AP3D1: variants seen among roughly 807,000 people sequenced by gnomAD.
AP3D1 encodes the protein AP-3 complex subunit delta-1.
AP3D1 carries 51 observed loss-of-function variants against 147.6 expected under a neutral mutation model. The observed-to-expected ratio is 0.35, with a 90% CI of 0.28 to 0.44. The LOEUF is 0.44. Among genes scored for constraint, AP3D1 ranks in the 20% least tolerant of loss-of-function variants. The probability of loss-of-function intolerance (pLI) is 1.00; values close to 1 mark genes in which losing one functional copy is unlikely to be tolerated. For synonymous variants in AP3D1, 760 were observed against 663.0 expected (o/e 1.15, Z -2.25); for missense variants, 1,421 against 1,624.2 (o/e 0.87, Z 2.15).
intron 1 of AP3D1, among the ~76,000 whole-genome samples, chr19:2,150,711 A>T (rs922688716): frequency 6.6e-6 from 1 of 152,098 alleles, no homozygotes; most frequent in African/African-American, 2.4e-5. Context: ...AGGAAGAAGG[A>T]GTTTCTCCAG....
chr19:2,163,814 C>A (rs1294537416), intron 1 of AP3D1, among the ~76,000 whole-genome samples: 1 of 150,632 alleles, frequency 6.6e-6, no homozygotes, highest in Non-Finnish European at 1.5e-5. Context: ...GTCCACGGGG[C>A]GGGGCGCCGA....
At chr19:2,135,737 C>T (rs1237582292) in intron 4 of AP3D1, among the ~76,000 whole-genome samples, 4 of 152,148 alleles carry the variant, frequency 2.6e-5, no homozygotes, top group Admixed American at 6.5e-5. Flanking sequence ...AAGGCAGCGG[C>T]GGATCTAAGT....
rs768888729 is a variant in AP3D1, at chr19:2,121,770, G to A, written c.1065C>T (p.Ser355=). 1.2e-6 allele frequency: 2 copies of A among 1,611,648 alleles called. No homozygotes were observed. Among genetic ancestry groups the A allele is most frequent in the Admixed American group, 1.7e-5 (1 of 59,392 alleles). The change falls in exon 12 of 32, where the codon TCC becomes TCT. Residue 355 remains serine (S), a synonymous_variant. Transcript: ENST00000643116. ...ILQCLDDKDE[S]IRLRALDLLY... ...GCAGGTCCAGGGCCCGCAGCCGGAT[G>A]GACTCGTCCTTGTCGTCCAGGCACT...
At chr19:2,160,386 G>A (rs1325791246) in intron 1 of AP3D1, among the ~76,000 whole-genome samples, 6 of 152,108 alleles carry the variant, frequency 3.9e-5, no homozygotes, top group South Asian at 2.1e-4. Context: ...AAAATCAGCC[G>A]GGAGTGGTGG....
chr19:2,142,439 C>T (rs536236292), intron 1 of AP3D1, among the ~76,000 whole-genome samples: 2 of 152,132 alleles, frequency 1.3e-5, no homozygotes, highest in African/African-American at 2.4e-5. Context: ...TGTGAGCCAC[C>T]GCACCTGGCT....
intron 1 of AP3D1, among the ~76,000 whole-genome samples, chr19:2,161,741 G>A (rs975889996): frequency 6.6e-6 from 1 of 152,000 alleles, no homozygotes; most frequent in African/African-American, 2.4e-5. Context: ...TTGAGATCAA[G>A]AGTTCGAGAC....
At chr19:2,115,765 G>A (rs1312389315) in intron 18 of AP3D1, 152 bp from the exon 19 acceptor site, 9 of 782,986 alleles carry the variant, frequency 1.1e-5, no homozygotes, top group South Asian at 9.1e-5. Flanking sequence ...CGCCGTGAGC[G>A]AGCGCATCCC....
intron 21 of AP3D1, 126 bp downstream of exon 21, chr19:2,114,622 G>GGCCC (rs2018387262): frequency 5.9e-5 from 39 of 665,674 alleles, no homozygotes; most frequent in East Asian, 8.4e-5. Context: ...TCTGGGGAAG[G>GGCCC]CCCGCCCGCA....
intron 1 of AP3D1, among the ~76,000 whole-genome samples, chr19:2,159,565 T>G: frequency 6.6e-6 from 1 of 151,990 alleles, no homozygotes. Flanking sequence ...ATTTTTTGTA[T>G]TTTTAGTAGA....
intron 4 of AP3D1, chr19:2,133,432 C>T (rs1410007229): frequency 1.3e-5 from 2 of 152,086 alleles, no homozygotes; most frequent in African/African-American, 2.4e-5. Context: ...AGGAAACTCC[C>T]GAGACTTCAT....
intron 1 of AP3D1, among the ~76,000 whole-genome samples, chr19:2,158,892 A>G (rs2019671037): frequency 6.6e-6 from 1 of 152,132 alleles, no homozygotes; most frequent in South Asian, 2.1e-4. Flanking sequence ...GTTACTCCCA[A>G]AATTAGTTTG....
intron 6 of AP3D1, 57 bp from the exon 7 acceptor site, chr19:2,129,514 T>G: frequency 6.4e-7 from 1 of 1,572,312 alleles, no homozygotes. Flanking sequence ...AAAACCATCC[T>G]ACTGTCTTCC....
rs1203902125 is a variant in AP3D1, at chr19:2,130,453, G to C, written c.547C>G (p.Pro183Ala). 2 of 1,614,066 alleles carry C rather than the reference G, an allele frequency of 1.2e-6. No homozygotes were observed. The highest frequency in any genetic ancestry group is 8.5e-7 in the Non-Finnish European group (1 of 1,180,012). Residue 183 changes from proline (P) to alanine (A), a missense_variant, in exon 6 of 32, where the codon CCT (proline) becomes GCT (alanine). Physicochemically the swap from Pro to Ala is conservative, Grantham distance 27. Coordinates refer to ENST00000643116, the MANE Select transcript of AP3D1 (RefSeq NM_001261826.3). ...TTCTCCTTCAGCCGGGGAAAGGCAG[G>C]GCGCAGCGACTCGGGGTACTTCAGG... ...VFLKYPESLR[P>A]AFPRLKEKLE...
intron 1 of AP3D1, among the ~76,000 whole-genome samples, chr19:2,160,696 T>C (rs769526005): frequency 5.3e-5 from 8 of 152,086 alleles, no homozygotes; most frequent in Non-Finnish European, 8.8e-5. Flanking sequence ...CCTGAGGATA[T>C]AGATAGAGTG....
intron 1 of AP3D1, among the ~76,000 whole-genome samples, chr19:2,159,908 G>A (rs2019682242): frequency 6.6e-6 from 1 of 151,874 alleles, no homozygotes; most frequent in Admixed American, 6.6e-5. Flanking sequence ...AGTAGAGACG[G>A]GGTTTCACCA....
intron 31 of AP3D1, among the ~76,000 whole-genome samples, chr19:2,103,971 A>T (rs1310716354): frequency 6.6e-6 from 1 of 151,862 alleles, no homozygotes; most frequent in Non-Finnish European, 1.5e-5. Flanking sequence ...TCAGCAGACC[A>T]AACACCAAGA....
intron 14 of AP3D1, 26 bp from the exon 15 acceptor site, chr19:2,118,858 C>G: frequency 1.3e-6 from 2 of 1,598,452 alleles, no homozygotes; most frequent in Non-Finnish European, 1.7e-6. Context: ...ACTGTGAGCC[C>G]CCAGGATGCC....
At chr19:2,102,431 TAAA>T (rs927207883) in intron 31 of AP3D1, among the ~76,000 whole-genome samples, 163 bp from the exon 32 acceptor site, 40 of 152,068 alleles carry the variant, frequency 2.6e-4, no homozygotes, top group Non-Finnish European at 4.6e-4. Flanking sequence ...CTGTCTCTAC[TAAA>T]AATACAAAAA....
chr19:2,151,126 CAACT>C, intron 1 of AP3D1, 109 bp downstream of exon 1: 1 of 1,036,994 alleles, frequency 9.6e-7, no homozygotes, highest in Non-Finnish European at 1.4e-6. Context: ...GCGGGACCTC[CAACT>C]AAGACAGAGC....
Sources: allele counts gnomAD v4.1 joint callset (sites outside exome capture counted in the v4.1 genomes callset), GRCh38; gene constraint gnomAD v4.1.1; transcripts MANE v1.5; gene names NCBI Gene and HGNC (gene_info 2026-07-23, HGNC 2026-07-21).